Variants in KCNIP4 observed in about 807,000 individuals in gnomAD.
KCNIP4 encodes Kv channel-interacting protein 4.
KCNIP4 carries 12 observed loss-of-function variants against 34.0 expected under a neutral mutation model. The observed-to-expected ratio is 0.35, with a 90% CI of 0.23 to 0.57. The LOEUF is 0.57. Ranked by LOEUF, KCNIP4 falls within the 20% of genes least tolerant of loss-of-function variation. The probability of loss-of-function intolerance (pLI) is 0.83; values close to 1 mark genes in which losing one functional copy is unlikely to be tolerated. For synonymous variants in KCNIP4, 124 were observed against 102.2 expected, an observed-to-expected ratio of 1.21 and a Z score of -1.29; for missense variants, 238 against 311.7, an observed-to-expected ratio of 0.76 and a Z score of 1.78.
chr4:21,341,418 C>G (rs551914524), intron 1 of KCNIP4, among the ~76,000 whole-genome samples: 2 of 152,250 alleles, frequency 1.3e-5, no homozygotes, highest in Non-Finnish European at 2.9e-5. Flanking sequence ...CCTCCCATAT[C>G]CTTGGCAAGT....
At chr4:21,748,193 A>G (rs1716902564) in intron 1 of KCNIP4, among the ~76,000 whole-genome samples, 1 of 152,172 alleles carries the variant, frequency 6.6e-6, no homozygotes, top group Non-Finnish European at 1.5e-5. Flanking sequence ...CACATTTCAC[A>G]AAACTGTCCC....
intron 1 of KCNIP4, among the ~76,000 whole-genome samples, chr4:21,202,092 T>G (rs1177694563): frequency 6.6e-6 from 1 of 152,190 alleles, no homozygotes; most frequent in Non-Finnish European, 1.5e-5. Context: ...GAATTACCAT[T>G]TGACCCAACA....
At chr4:21,042,147 C>T (rs903901530) in intron 1 of KCNIP4, among the ~76,000 whole-genome samples, 3 of 152,068 alleles carry the variant, frequency 2.0e-5, no homozygotes, top group Non-Finnish European at 4.4e-5. Context: ...TGGGCATTTC[C>T]CTATGATTCA....
intron 1 of KCNIP4, among the ~76,000 whole-genome samples, chr4:21,770,733 G>A (rs112853421): frequency 0.043 from 6,543 of 152,002 alleles, 206 homozygotes; most frequent in Non-Finnish European, 0.064. Context: ...TGTTGACCAC[G>A]TAAATGTCTT....
intron 1 of KCNIP4, among the ~76,000 whole-genome samples, chr4:21,236,845 T>TA (rs75125946): frequency 0.13 from 18,043 of 142,022 alleles, 1,208 homozygotes; most frequent in African/African-American, 0.2. Flanking sequence ...CCACCTCTAC[T>TA]AAAAAAAAAA....
At chr4:21,477,515 A>C (rs771672395) in intron 1 of KCNIP4, among the ~76,000 whole-genome samples, 5 of 152,210 alleles carry the variant, frequency 3.3e-5, no homozygotes, top group Non-Finnish European at 4.4e-5. Flanking sequence ...TGGGGGCCAC[A>C]ACTCCACAGC....
chr4:20,815,764 G>A (rs927663368), intron 3 of KCNIP4, among the ~76,000 whole-genome samples: 3 of 152,114 alleles, frequency 2.0e-5, no homozygotes, highest in African/African-American at 4.8e-5. Flanking sequence ...ACATTTAGAC[G>A]GTAGCATGTA....
intron 1 of KCNIP4, among the ~76,000 whole-genome samples, chr4:21,908,624 C>T (rs962263060): frequency 3.3e-5 from 5 of 152,188 alleles, no homozygotes; most frequent in Admixed American, 6.5e-5. Flanking sequence ...TGGAATATAA[C>T]GGACTGAACT....
intron 1 of KCNIP4, among the ~76,000 whole-genome samples, chr4:21,150,632 T>C (rs1272054630): frequency 1.3e-5 from 2 of 152,242 alleles, no homozygotes; most frequent in African/African-American, 4.8e-5. Flanking sequence ...CAAGTGGTTA[T>C]TCCTCTAAGA....
At chr4:21,858,304 C>T (rs1724875953) in intron 1 of KCNIP4, among the ~76,000 whole-genome samples, 1 of 152,196 alleles carries the variant, frequency 6.6e-6, no homozygotes, top group Admixed American at 6.5e-5. Flanking sequence ...TTGTCACGGT[C>T]ACTTCTATAA....
chr4:21,207,831 TTTTTTC>T (rs1206047214), intron 1 of KCNIP4, among the ~76,000 whole-genome samples: 2 of 149,376 alleles, frequency 1.3e-5, no homozygotes, highest in African/African-American at 2.5e-5. Context: ...TTTTTTCTCC[TTTTTTC>T]TTTTTCTTTT....
intron 1 of KCNIP4, among the ~76,000 whole-genome samples, chr4:21,455,284 A>T (rs1036097679): frequency 6.6e-6 from 1 of 152,088 alleles, no homozygotes; most frequent in Admixed American, 6.6e-5. Context: ...ACCAATTCGT[A>T]GAGAAGACAG....
chr4:21,244,037 T>C (rs553453756), intron 1 of KCNIP4, among the ~76,000 whole-genome samples: 58 of 152,266 alleles, frequency 3.8e-4, no homozygotes, highest in African/African-American at 1.3e-3. Context: ...TGGCTTTCCA[T>C]AGAGGAGTAA....
intron 1 of KCNIP4, among the ~76,000 whole-genome samples, chr4:21,449,657 T>A (rs969096040): frequency 7.3e-5 from 11 of 151,036 alleles, no homozygotes; most frequent in African/African-American, 2.4e-4. Context: ...TATATACTAC[T>A]TTTTACTCTT....
chr4:21,326,679 G>A (rs1715099996), intron 1 of KCNIP4, among the ~76,000 whole-genome samples: 1 of 148,116 alleles, frequency 6.8e-6, no homozygotes, highest in Non-Finnish European at 1.5e-5. Flanking sequence ...CTGCCATTTT[G>A]TTATGTGTTT....
chr4:20,766,467 G>A (rs1755425977), intron 3 of KCNIP4, among the ~76,000 whole-genome samples: 1 of 152,186 alleles, frequency 6.6e-6, no homozygotes, highest in South Asian at 2.1e-4. Flanking sequence ...CCAGCAGGCT[G>A]AGGCAGGAGA....
chr4:20,952,020 G>A (rs1189515223), intron 1 of KCNIP4, among the ~76,000 whole-genome samples: 1 of 152,188 alleles, frequency 6.6e-6, no homozygotes, highest in South Asian at 2.1e-4. Context: ...CTAGCACAGA[G>A]TGGGTACGCA....
chr4:21,244,331 G>A (rs1760053035), intron 1 of KCNIP4, among the ~76,000 whole-genome samples: 1 of 152,094 alleles, frequency 6.6e-6, no homozygotes, highest in Non-Finnish European at 1.5e-5. Flanking sequence ...ATGAAAACCA[G>A]GCTATAGATG....
At chr4:21,011,959 G>A (rs1328168550) in intron 1 of KCNIP4, among the ~76,000 whole-genome samples, 2 of 152,182 alleles carry the variant, frequency 1.3e-5, no homozygotes, top group African/African-American at 4.8e-5. Flanking sequence ...AATGAAAGAA[G>A]CTCTAACTGG....
Sources: allele counts gnomAD v4.1 joint callset (sites outside exome capture counted in the v4.1 genomes callset), GRCh38; gene constraint gnomAD v4.1.1; transcripts MANE v1.5; gene names NCBI Gene and HGNC (gene_info 2026-07-23, HGNC 2026-07-21).